PSMA6: variants seen among roughly 807,000 people sequenced by gnomAD.
PSMA6 encodes proteasome 20S subunit alpha 6, also known as proteasome subunit alpha type-6.
For missense variants in PSMA6, 170 were observed against 294.8 expected (o/e 0.58, Z 3.10); for synonymous variants, 88 against 97.7 (o/e 0.90, Z 0.59).
At chr14:35,284,409 G>C (rs2051399658) in intron 1 of PSMA6, among the ~76,000 whole-genome samples, 1 of 152,032 alleles carries the variant, frequency 6.6e-6, no homozygotes, top group African/African-American at 2.4e-5. Context: ...AGCATATAAG[G>C]TCATTTTCTC....
Position 35,292,563 on chromosome 14 carries a change from C to T in PSMA6, c.76+11C>T, listed in dbSNP as rs777465365. On this transcript the variant is annotated intron_variant, in intron 1 of 6. Transcript: ENST00000261479. ...GGCTCTACCAAGTAGGTGAGTGAAC[C>T]AGGTTCGCCTGTGGGCCACCTGAAT... 1.9e-6 allele frequency: 3 copies of T among 1,612,828 alleles called. No homozygotes were observed. In the East Asian group the frequency reaches 6.7e-5, roughly 36 times the overall value.
At chr14:35,299,070 A>C (rs1271673810) in intron 1 of PSMA6, among the ~76,000 whole-genome samples, 1 of 152,170 alleles carries the variant, frequency 6.6e-6, no homozygotes, top group Non-Finnish European at 1.5e-5. Context: ...TCTGTCGCCC[A>C]GGCTGGAGTG....
In PSMA6 at chr14:35,284,150, A is replaced by ATACTTAGGTTTTTTTTT. The variant is rs1404631257; in HGVS notation, c.19+5433_19+5434insACTTAGGTTTTTTTTTT. On this transcript the variant is annotated intron_variant, in intron 1 of 6. Coordinates refer to the PSMA6 transcript ENST00000540871. ...TTAGTATCCAAGGCCAGCTCCTTTCATTTGTACCCTAATCCAAAACATTTT... is the reference window on the plus strand; with the variant it reads ...TTAGTATCCAAGGCCAGCTCCTTTCATACTTAGGTTTTTTTTTTTTGTACCCTAATCCAAAACATTTT... Among the ~76,000 whole-genome samples, 7 of 152,160 alleles carry ATACTTAGGTTTTTTTTT rather than the reference A, an allele frequency of 4.6e-5. No homozygotes were observed. In the East Asian group the frequency reaches 1.4e-3, roughly 29 times the overall value.
At chr14:35,300,398 A>G (rs906744166) in intron 1 of PSMA6, among the ~76,000 whole-genome samples, 2 of 152,152 alleles carry the variant, frequency 1.3e-5, no homozygotes, top group African/African-American at 4.8e-5. Flanking sequence ...GCTTGAGCCG[A>G]AAGTTTCAGG....
intron 1 of PSMA6, among the ~76,000 whole-genome samples, chr14:35,285,998 T>C (rs536703865): frequency 2.0e-5 from 3 of 152,352 alleles, no homozygotes; most frequent in Admixed American, 2.0e-4. Flanking sequence ...CAAAGCGAAA[T>C]AGCCAACAAT....
intron 3 of PSMA6, among the ~76,000 whole-genome samples, chr14:35,309,727 C>T (rs375077364): frequency 1.3e-5 from 2 of 152,112 alleles, no homozygotes; most frequent in East Asian, 3.8e-4. Flanking sequence ...ACTCGGGAGG[C>T]AGAGGTTGCA....
intron 6 of PSMA6, 116 bp downstream of exon 6, chr14:35,314,571 G>T: frequency 1.5e-6 from 2 of 1,294,738 alleles, no homozygotes; most frequent in Non-Finnish European, 2.0e-6. Context: ...GTTTTTGTTT[G>T]TGTGTTTGTT....
intron 1 of PSMA6, among the ~76,000 whole-genome samples, chr14:35,284,879 A>G (rs900744680): frequency 1.3e-5 from 2 of 152,208 alleles, no homozygotes; most frequent in Non-Finnish European, 2.9e-5. Flanking sequence ...AAAACTTGCT[A>G]TGTACTTGTA....
chr14:35,312,805 A>G, intron 4 of PSMA6, 76 bp from the exon 5 acceptor site: 3 of 1,324,672 alleles, frequency 2.3e-6, no homozygotes, highest in South Asian at 1.4e-5. Context: ...AGCAGCAGCT[A>G]TGTGACACCA....
rs567309837 is a variant in PSMA6 at position 35,308,348 on chromosome 14, G to A, written c.171+260G>A. On this transcript the variant is annotated intron_variant, in intron 2 of 6. Coordinates refer to ENST00000261479, the MANE Select transcript of PSMA6 (RefSeq NM_002791.3). ...AGGCAGGAGAATCACTTGAACCTGG[G>A]AGGTGGAGGTTACGGTGAGCCAGGA... 7 of 285,790 alleles carry A rather than the reference G, an allele frequency of 2.4e-5. No individual in the cohort carries two copies. In the South Asian group the frequency reaches 3.3e-4, roughly 14 times the overall value. 17.7% of individuals were successfully genotyped at this position (285,790 alleles called of 1,614,324 possible). A position where few individuals can be genotyped will look rare whatever the true frequency, so the allele number is the denominator to read the frequency against.
intron 1 of PSMA6, among the ~76,000 whole-genome samples, chr14:35,281,388 C>A (rs965888740): frequency 6.6e-6 from 1 of 152,182 alleles, no homozygotes; most frequent in Non-Finnish European, 1.5e-5. Flanking sequence ...CTGGAGCCTT[C>A]ATTTCCTTTT....
At chr14:35,289,054 G>T (rs773625210), upstream of PSMA6, among the ~76,000 whole-genome samples, 1 of 152,170 alleles carries the variant, frequency 6.6e-6, no homozygotes, top group Non-Finnish European at 1.5e-5. Flanking sequence ...GGCCAGGGAA[G>T]CCAAAAGATT....
At chr14:35,302,129 T>C (rs1363069066) in intron 1 of PSMA6, among the ~76,000 whole-genome samples, 1 of 152,136 alleles carries the variant, frequency 6.6e-6, no homozygotes, top group African/African-American at 2.4e-5. Flanking sequence ...TTCCAGGGAC[T>C]AGGACATAGA....
In PSMA6 at chr14:35,279,787, G is replaced by C. The variant is rs375128050; in HGVS notation, c.19+1069G>C. 2.6e-5 allele frequency among the ~76,000 whole-genome samples: 4 copies of C among 152,240 alleles called. No individual in the cohort carries two copies. In the East Asian group the frequency reaches 7.7e-4, roughly 29 times the overall value. Reference sequence around the variant, plus strand: ...AACACACCAAGGGAAGTTTCTGTGAGGAAATCAGTATTGAATAGTTTGTAC... The same window carrying C: ...AACACACCAAGGGAAGTTTCTGTGACGAAATCAGTATTGAATAGTTTGTAC... On this transcript the variant is annotated intron_variant, in intron 1 of 6. Transcript: ENST00000540871.
intron 6 of PSMA6, 141 bp downstream of exon 6, chr14:35,314,596 C>A: frequency 8.8e-7 from 1 of 1,136,976 alleles, no homozygotes; most frequent in East Asian, 3.1e-5. Flanking sequence ...TCCCCAGCAC[C>A]TGAGATCTGT....
rs1414792491 is a variant in PSMA6, at chr14:35,292,442, C to A, written c.-35C>A. 4 of 1,600,182 alleles carry A rather than the reference C, an allele frequency of 2.5e-6. No individual in the cohort carries two copies. Among genetic ancestry groups the A allele is most frequent in the Non-Finnish European group, 3.4e-6 (4 of 1,173,482 alleles). On this transcript the variant is annotated 5_prime_UTR_variant, in exon 1 of 7. Transcript: ENST00000261479. ...GTGCCTGGTGCGGGAGCTACGGGGC[C>A]CAGGGATTGTGTTTAAAGTAGTGCT...
chr14:35,311,527 A>T (rs988980153), intron 4 of PSMA6, among the ~76,000 whole-genome samples: 2 of 152,204 alleles, frequency 1.3e-5, no homozygotes, highest in African/African-American at 4.8e-5. Context: ...TACTTAAATC[A>T]TATTCATCTT....
intron 1 of PSMA6, among the ~76,000 whole-genome samples, chr14:35,302,268 G>C (rs2051728760): frequency 1.3e-5 from 2 of 152,078 alleles, no homozygotes; most frequent in African/African-American, 4.8e-5. Context: ...TGGCCATGTT[G>C]TCCAGGCTGG....
chr14:35,315,759 A>G (rs1042963770), intron 6 of PSMA6: 3 of 151,956 alleles, frequency 2.0e-5, no homozygotes, highest in Non-Finnish European at 4.4e-5. Flanking sequence ...TCTCTAAGGA[A>G]CCTACAATTA....
Sources: gnomAD v4.1 joint callset for allele counts (sites outside exome capture counted in the v4.1 genomes callset) on GRCh38, gnomAD v4.1.1 for gene constraint, MANE v1.5 for transcripts, NCBI Gene and HGNC (gene_info 2026-07-23, HGNC 2026-07-21) for gene names.